ELMO1: variants seen among roughly 807,000 people sequenced by gnomAD.
ELMO1 encodes the protein engulfment and cell motility protein 1.
ELMO1 carries 26 observed loss-of-function variants against 98.9 expected under a neutral mutation model. That is an observed-to-expected ratio of 0.26 (90% CI 0.19 to 0.36). The LOEUF is 0.36. Among genes scored for constraint, ELMO1 ranks in the 10% least tolerant of loss-of-function variants. The pLI, the probability that ELMO1 is intolerant of heterozygous loss-of-function variation, is 1.00. For missense variants in ELMO1, 627 were observed against 935.2 expected, an observed-to-expected ratio of 0.67 and a Z score of 4.30; for synonymous variants, 346 against 346.0, an observed-to-expected ratio of 1.00 and a Z score of 0.00.
At chr7:37,194,026 T>C (rs1486028604) in intron 13 of ELMO1, among the ~76,000 whole-genome samples, 1 of 152,056 alleles carries the variant, frequency 6.6e-6, no homozygotes, top group Non-Finnish European at 1.5e-5. Flanking sequence ...CCTGGAGAAA[T>C]TCTCCAGAAC....
intron 16 of ELMO1, chr7:36,985,784 C>T: frequency 2.4e-6 from 1 of 409,456 alleles, no homozygotes; most frequent in Non-Finnish European, 3.4e-6. Flanking sequence ...GAGTCTCCTA[C>T]ATCATGGGAA....
intron 1 of ELMO1, among the ~76,000 whole-genome samples, chr7:37,366,771 T>C (rs1322349443): frequency 1.3e-5 from 2 of 152,182 alleles, no homozygotes; most frequent in African/African-American, 4.8e-5. Context: ...CGAACTCCTC[T>C]AACGGAGAAA....
intron 1 of ELMO1, among the ~76,000 whole-genome samples, chr7:37,420,100 G>C (rs1420783426): frequency 3.3e-5 from 5 of 152,182 alleles, no homozygotes; most frequent in African/African-American, 4.8e-5. Flanking sequence ...GAGGCTGAGA[G>C]GTAAGGCCCC....
At chr7:37,339,007 T>A (rs949097873) in intron 2 of ELMO1, among the ~76,000 whole-genome samples, 1 of 152,218 alleles carries the variant, frequency 6.6e-6, no homozygotes, top group Non-Finnish European at 1.5e-5. Context: ...CTGAGCAGAA[T>A]TGAGCACCTG....
rs200822117 is a variant in ELMO1 at position 36,865,010 on chromosome 7, C to T, written c.1906-3274G>A. Reference sequence around the variant, plus strand: ...TCTGGCCCTGGGACAGAAGACAAGGCACGCTGTGTCAGCAGATGCTCAGGA... The same window carrying T: ...TCTGGCCCTGGGACAGAAGACAAGGTACGCTGTGTCAGCAGATGCTCAGGA... On this transcript the variant is annotated intron_variant, in intron 20 of 21. Transcript: ENST00000310758. Among the ~76,000 whole-genome samples, 3 of 152,310 alleles carry T rather than the reference C, an allele frequency of 2.0e-5. No homozygotes were observed. In the East Asian group the frequency reaches 5.8e-4, roughly 29 times the overall value.
intron 15 of ELMO1, among the ~76,000 whole-genome samples, chr7:37,090,768 C>T (rs917106981): frequency 1.3e-5 from 2 of 152,112 alleles, no homozygotes; most frequent in African/African-American, 4.8e-5. Context: ...TGAAGTATTG[C>T]CTCCCAGAGA....
chr7:37,165,971 C>G (rs1184023043), intron 13 of ELMO1, among the ~76,000 whole-genome samples: 1 of 152,138 alleles, frequency 6.6e-6, no homozygotes, highest in Admixed American at 6.6e-5. Flanking sequence ...TGGTCCTGGA[C>G]TCTTTTTGGT....
intron 14 of ELMO1, among the ~76,000 whole-genome samples, chr7:37,127,947 AT>A (rs1184018293): frequency 2.0e-5 from 3 of 152,092 alleles, no homozygotes; most frequent in Non-Finnish European, 2.9e-5. Flanking sequence ...AATCCCAACA[AT>A]TTGGGAGGCC....
chr7:37,169,369 C>T (rs1227567160), intron 13 of ELMO1, among the ~76,000 whole-genome samples: 1 of 152,228 alleles, frequency 6.6e-6, no homozygotes, highest in African/African-American at 2.4e-5. Flanking sequence ...CACTGTCTGG[C>T]ACTCCCTAGT....
intron 16 of ELMO1, chr7:36,985,080 C>T (rs574755385): frequency 1.0e-6 from 1 of 985,350 alleles, no homozygotes; most frequent in Admixed American, 6.1e-5. Flanking sequence ...TATAGTACTG[C>T]TTTCTTGTTC....
At chr7:36,875,792 C>G (rs1803910929) in intron 19 of ELMO1, among the ~76,000 whole-genome samples, 1 of 152,184 alleles carries the variant, frequency 6.6e-6, no homozygotes, top group Admixed American at 6.5e-5. Context: ...AGACCAGGAA[C>G]TGCCCCTACA....
chr7:37,142,458 C>T (rs758942657), intron 13 of ELMO1, among the ~76,000 whole-genome samples: 1 of 152,206 alleles, frequency 6.6e-6, no homozygotes, highest in Non-Finnish European at 1.5e-5. Context: ...GATGAGGAAA[C>T]TGCCGCTCAG....
intron 16 of ELMO1, among the ~76,000 whole-genome samples, chr7:36,920,772 C>G (rs906321653): frequency 2.6e-5 from 4 of 151,994 alleles, no homozygotes; most frequent in African/African-American, 9.7e-5. Context: ...CCTGAAATGC[C>G]GTCTTGCTTG....
intron 2 of ELMO1, among the ~76,000 whole-genome samples, chr7:37,341,003 G>A (rs747398867): frequency 5.4e-4 from 82 of 152,344 alleles, no homozygotes; most frequent in African/African-American, 7.7e-4. Flanking sequence ...TCGGGCTTGG[G>A]CACCAGGTAT....
At chr7:36,856,713 C>T (rs1160354725) in intron 21 of ELMO1, among the ~76,000 whole-genome samples, 1 of 152,142 alleles carries the variant, frequency 6.6e-6, no homozygotes, top group Non-Finnish European at 1.5e-5. Flanking sequence ...AAAGAGGCAC[C>T]CCTGATGCCA....
chr7:36,913,906 T>G (rs1360433607), intron 16 of ELMO1, among the ~76,000 whole-genome samples: 1 of 152,206 alleles, frequency 6.6e-6, no homozygotes, highest in African/African-American at 2.4e-5. Context: ...GAGATTTGTT[T>G]GGAGTTTTAA....
intron 13 of ELMO1, among the ~76,000 whole-genome samples, chr7:37,152,025 C>T (rs1340180390): frequency 6.6e-6 from 1 of 152,120 alleles, no homozygotes; most frequent in Non-Finnish European, 1.5e-5. Context: ...AAGTAATAAC[C>T]TTGATGAAGG....
At chr7:37,301,161 A>G (rs1209797317) in intron 4 of ELMO1, among the ~76,000 whole-genome samples, 1 of 152,146 alleles carries the variant, frequency 6.6e-6, no homozygotes, top group African/African-American at 2.4e-5. Flanking sequence ...TTTTAAAAAG[A>G]TGGCTAATAA....
At chr7:37,316,557 C>T (rs574520572) in intron 2 of ELMO1, among the ~76,000 whole-genome samples, 5 of 152,268 alleles carry the variant, frequency 3.3e-5, no homozygotes, top group South Asian at 2.1e-4. Flanking sequence ...TGTCAACTGG[C>T]GGGTGACTAC....
Sources: gnomAD v4.1 joint callset for allele counts (sites outside exome capture counted in the v4.1 genomes callset) on GRCh38, gnomAD v4.1.1 for gene constraint, MANE v1.5 for transcripts, NCBI Gene and HGNC (gene_info 2026-07-23, HGNC 2026-07-21) for gene names.